Variants in ABCC9 observed in about 807,000 individuals in gnomAD.
ABCC9 encodes ATP binding cassette subfamily C member 9, also known as ATP-binding cassette sub-family C member 9.
In ABCC9, 95 loss-of-function variants were observed where a neutral mutation model predicts 188.3. The ratio of observed to expected loss-of-function variants is 0.50; its 90% CI spans 0.43 to 0.60. The LOEUF (loss-of-function observed/expected upper bound fraction) is 0.60, where lower values mean the gene tolerates loss of function less well. ABCC9 is among the 20% of genes least tolerant of loss of function. The pLI is 0.00. For missense variants in ABCC9, 1,102 were observed against 1,876.3 expected (o/e 0.59, Z 7.62); for synonymous variants, 659 against 652.7 (o/e 1.01, Z -0.15).
At chr12:21,933,660 A>G (rs1325803446) in intron 4 of ABCC9, 122 bp downstream of exon 4, 2 of 1,107,164 alleles carry the variant, frequency 1.8e-6, no homozygotes, top group South Asian at 1.3e-5. Context: ...CAAGAGCTAC[A>G]TGGATCAGAG....
intron 4 of ABCC9, among the ~76,000 whole-genome samples, chr12:21,927,102 A>T (rs1379048221): frequency 6.6e-6 from 1 of 152,210 alleles, no homozygotes; most frequent in Admixed American, 6.5e-5. Context: ...GGGTCATTTT[A>T]AAAAAGGAAC....
intron 19 of ABCC9, among the ~76,000 whole-genome samples, chr12:21,864,212 C>T (rs1945671156): frequency 6.6e-6 from 1 of 152,082 alleles, no homozygotes; most frequent in Non-Finnish European, 1.5e-5. Context: ...AGTTGGGACA[C>T]GTGTGACTCA....
At chr12:21,803,466 A>G (rs1565677388) in intron 39 of ABCC9, among the ~76,000 whole-genome samples, 1 of 151,856 alleles carries the variant, frequency 6.6e-6, no homozygotes, top group East Asian at 1.9e-4. Context: ...GACCAGCCTG[A>G]CCAAAATGAA....
At chr12:21,875,788 AAAT>A (rs1946311323) in intron 16 of ABCC9, 62 bp from the exon 17 acceptor site, 3 of 1,401,808 alleles carry the variant, frequency 2.1e-6, no homozygotes, top group Non-Finnish European at 3.0e-6. Context: ...ATTCTAATTA[AAAT>A]AATAATTTGT....
intron 5 of ABCC9, among the ~76,000 whole-genome samples, chr12:21,921,384 A>G (rs190923273): frequency 6.6e-6 from 1 of 152,110 alleles, no homozygotes; most frequent in East Asian, 1.9e-4. Context: ...ACAAATGTCT[A>G]TTCAGATCTT....
Position 21,902,440 on chromosome 12 carries a change from C to G in ABCC9, c.1618+3686G>C, listed in dbSNP as rs1179858260. ...AAAGCTAGCAGAAGGCAAGAAATAACTTAGATCAGAGCAGAACTGAAGGAA... is the reference window on the plus strand; with the variant it reads ...AAAGCTAGCAGAAGGCAAGAAATAAGTTAGATCAGAGCAGAACTGAAGGAA... On this transcript the variant is annotated intron_variant, in intron 12 of 39. Coordinates refer to ENST00000261200, the MANE Select transcript of ABCC9 (RefSeq NM_020297.4). Among the ~76,000 whole-genome samples the G allele has an allele frequency of 3.3e-5, 5 of 151,796 alleles. No individual in the cohort carries two copies. The East Asian group carries it at 9.6e-4, about 29-fold the overall frequency.
chr12:21,816,955 C>T (rs968684693), intron 33 of ABCC9, among the ~76,000 whole-genome samples: 27 of 152,150 alleles, frequency 1.8e-4, no homozygotes, highest in African/African-American at 6.0e-4. Context: ...AATATTTTCT[C>T]TTTAAATGTC....
chr12:21,895,329 T>G lies in ABCC9; in HGVS notation c.1619-14A>C, dbSNP rs762754866. 3.7e-6 allele frequency: 6 copies of G among 1,609,830 alleles called. No homozygotes were observed. The highest frequency in any genetic ancestry group is 4.5e-5 in the East Asian group (2 of 44,860). On this transcript the variant is annotated splice_polypyrimidine_tract_variant and intron_variant, in intron 12 of 39. Transcript: ENST00000261200. ...CATTCATGAAGACTGTGGAAAGAAA[T>G]AAAATGCATTAGTTTCATTGAACTG...
chr12:21,813,631 T>G (rs961634256), intron 35 of ABCC9, among the ~76,000 whole-genome samples: 6 of 152,182 alleles, frequency 3.9e-5, no homozygotes, highest in African/African-American at 1.4e-4. Flanking sequence ...TTTTGATCAC[T>G]TAATTGCCTT....
At chr12:21,885,753 C>A (rs979343880) in intron 15 of ABCC9, among the ~76,000 whole-genome samples, 2 of 152,060 alleles carry the variant, frequency 1.3e-5, no homozygotes, top group Non-Finnish European at 2.9e-5. Flanking sequence ...AAATCACACC[C>A]GTTCAGTAAA....
chr12:21,915,257 GTGTGTA>G (rs1463052500), intron 7 of ABCC9, among the ~76,000 whole-genome samples: 24 of 116,686 alleles, frequency 2.1e-4, no homozygotes, highest in African/African-American at 7.8e-4. Context: ...GTGTGTGTGT[GTGTGTA>G]TATAATGTGT....
chr12:21,817,346 A>T, intron 32 of ABCC9, 39 bp from the exon 33 acceptor site: 1 of 1,605,774 alleles, frequency 6.2e-7, no homozygotes, highest in Non-Finnish European at 8.5e-7. Flanking sequence ...TAAATAAATT[A>T]AAGTAAGAAG....
chr12:21,921,652 C>A (rs1044175896), intron 5 of ABCC9, among the ~76,000 whole-genome samples: 2 of 152,018 alleles, frequency 1.3e-5, no homozygotes, highest in African/African-American at 4.8e-5. Context: ...TTGCCCAGTC[C>A]AATGTCCTAG....
At position 21,898,732 on chromosome 12, in the gene ABCC9, G is replaced by A. The variant is rs575950622; in HGVS notation, c.1619-3417C>T. On this transcript the variant is annotated intron_variant, in intron 12 of 39. Coordinates refer to ENST00000261200, the MANE Select transcript of ABCC9 (RefSeq NM_020297.4). ...TAGTGGGAGTAGTTTTGCTAAGTTT[G>A]TGTAAAGTATACTAACATAAACCCT... Among the ~76,000 whole-genome samples, 228 of 152,184 alleles carry A rather than the reference G, an allele frequency of 1.5e-3. 1 individual carries two copies. The highest frequency in any genetic ancestry group is 3.4e-3 in the Middle Eastern group (1 of 294).
intron 20 of ABCC9, among the ~76,000 whole-genome samples, chr12:21,861,657 G>T (rs1945514093): frequency 6.6e-6 from 1 of 152,144 alleles, no homozygotes; most frequent in Non-Finnish European, 1.5e-5. Flanking sequence ...CACAAATGAA[G>T]AAATGACTGA....
At chr12:21,808,775 T>C (rs1480849009) in intron 37 of ABCC9, among the ~76,000 whole-genome samples, 1 of 122,548 alleles carries the variant, frequency 8.2e-6, no homozygotes, top group Non-Finnish European at 1.7e-5. Context: ...CGAGAACTTG[T>C]CTCAAAAAAA....
chr12:21,862,493 C>A (rs1945568251), intron 20 of ABCC9, among the ~76,000 whole-genome samples: 1 of 152,126 alleles, frequency 6.6e-6, no homozygotes, highest in African/African-American at 2.4e-5. Context: ...AAGGGTCATA[C>A]CTTCTTATGT....
intron 24 of ABCC9, among the ~76,000 whole-genome samples, chr12:21,850,522 T>G (rs1944908722): frequency 6.6e-6 from 1 of 152,114 alleles, no homozygotes; most frequent in Admixed American, 6.6e-5. Context: ...CCACACCTCC[T>G]TCAGTTCATA....
chr12:21,914,669 TA>T (rs1948460995), intron 7 of ABCC9, among the ~76,000 whole-genome samples: 1 of 152,148 alleles, frequency 6.6e-6, no homozygotes, highest in Non-Finnish European at 1.5e-5. Context: ...ATGGATTAGT[TA>T]TACATGATCA....
Sources: allele counts gnomAD v4.1 joint callset (sites outside exome capture counted in the v4.1 genomes callset), GRCh38; gene constraint gnomAD v4.1.1; transcripts MANE v1.5; gene names NCBI Gene and HGNC (gene_info 2026-07-23, HGNC 2026-07-21).